The following FSHR variants were observed in gnomAD, a reference collection of about 807,000 sequenced individuals.
FSHR encodes follicle-stimulating hormone receptor.
Under a neutral mutation model 52.1 loss-of-function variants are expected in FSHR, and 46 were observed. The ratio of observed to expected loss-of-function variants is 0.88; its 90% confidence interval spans 0.70 to 1.13. The LOEUF (loss-of-function observed/expected upper bound fraction) is 1.13, where lower values mean the gene tolerates loss of function less well. FSHR is among the 50% of genes most tolerant of loss of function. FSHR has a pLI of 0.00. For missense variants in FSHR, 964 were observed against 834.6 expected, an observed-to-expected ratio of 1.16 and a Z score of -1.91; for synonymous variants, 399 against 309.6, an observed-to-expected ratio of 1.29 and a Z score of -3.03.
At chr2:49,094,615 G>C (rs1670751910) in intron 1 of FSHR, among the ~76,000 whole-genome samples, 1 of 152,084 alleles carries the variant, frequency 6.6e-6, no homozygotes, top group South Asian at 2.1e-4. Flanking sequence ...TTAAAATGTT[G>C]TTCCATGAAT....
chr2:49,140,061 T>C (rs76075060), intron 1 of FSHR, among the ~76,000 whole-genome samples: 325 of 152,240 alleles, frequency 2.1e-3, no homozygotes, highest in African/African-American at 6.1e-3. Context: ...CTTAGGGAAC[T>C]ATGGATTTGT....
At chr2:49,052,281 T>G (rs931575853) in intron 2 of FSHR, among the ~76,000 whole-genome samples, 3 of 152,150 alleles carry the variant, frequency 2.0e-5, no homozygotes, top group African/African-American at 4.8e-5. Context: ...ATGACCTCAC[T>G]CCCAGCTTCC....
At chr2:49,067,893 C>G (rs911512281) in intron 2 of FSHR, among the ~76,000 whole-genome samples, 1 of 151,858 alleles carries the variant, frequency 6.6e-6, no homozygotes, top group East Asian at 1.9e-4. Flanking sequence ...TAGAAAGTAT[C>G]TCTGAAAGAG....
At chr2:49,054,768 A>G (rs535972828) in intron 2 of FSHR, among the ~76,000 whole-genome samples, 8 of 152,328 alleles carry the variant, frequency 5.3e-5, no homozygotes, top group Admixed American at 2.6e-4. Flanking sequence ...ACTCGCAAAC[A>G]TTACTAGCAT....
intron 2 of FSHR, among the ~76,000 whole-genome samples, chr2:49,032,717 G>A (rs1003898598): frequency 6.6e-6 from 1 of 152,202 alleles, no homozygotes; most frequent in Non-Finnish European, 1.5e-5. Context: ...CACAGTGAGT[G>A]AAAGATAGAA....
chr2:48,968,898 G>T lies in FSHR; in HGVS notation c.669-15C>A, dbSNP rs1559077032. ...TTGAAATATCTCTATAAAGAGAAAA[G>T]GTAAATATAACAGGATTACTATGGA... On this transcript the variant is annotated splice_polypyrimidine_tract_variant and intron_variant, in intron 8 of 9. Coordinates refer to ENST00000406846, the MANE Select transcript of FSHR (RefSeq NM_000145.4). 6.2e-7 allele frequency: 1 copy of T among 1,610,570 alleles called. No homozygotes were observed. The highest frequency in any genetic ancestry group is 8.5e-7 in the Non-Finnish European group (1 of 1,178,264).
chr2:49,010,789 C>T (rs1237982080), intron 4 of FSHR, among the ~76,000 whole-genome samples: 1 of 152,206 alleles, frequency 6.6e-6, no homozygotes, highest in Non-Finnish European at 1.5e-5. Flanking sequence ...TTATCCATTT[C>T]TTCTAGATTT....
At position 48,990,600 on chromosome 2, in the gene FSHR, C is replaced by T. The variant is rs763846559; in HGVS notation, c.412G>A (p.Val138Ile). ...SNTGIKHLPD[V>I]HKIHSLQKVL... ...TTTTGGAGAGAATGAATCTTGTGAA[C>T]ATCTGGAAGGTGCTTAATACCTGTG... The change falls in exon 5 of 10, where the codon GTT becomes ATT. Residue 138 changes from valine (V) to isoleucine (I), a missense_variant. Transcript: ENST00000406846. 40 of 1,612,222 alleles carry T rather than the reference C, an allele frequency of 2.5e-5. 1 individual carries two copies. In the South Asian group the frequency reaches 4.1e-4, roughly 16 times the overall value.
chr2:49,117,067 T>C (rs568507828), intron 1 of FSHR, among the ~76,000 whole-genome samples: 13 of 152,130 alleles, frequency 8.5e-5, no homozygotes, highest in African/African-American at 2.9e-4. Flanking sequence ...GCCCAGTTAG[T>C]GTTAGCTAGA....
chr2:49,137,111 A>G (rs954682728), intron 1 of FSHR, among the ~76,000 whole-genome samples: 2 of 152,124 alleles, frequency 1.3e-5, no homozygotes, highest in South Asian at 2.1e-4. Context: ...GGAAAGTCCT[A>G]TGGAATCCAC....
At chr2:48,990,499 C>A in intron 5 of FSHR, 67 bp downstream of exon 5, 1 of 1,024,124 alleles carries the variant, frequency 9.8e-7, no homozygotes, top group Non-Finnish European at 1.6e-6. Context: ...TATTAAAGGC[C>A]CAGATAGCCG....
At position 48,990,650 on chromosome 2, in the gene FSHR, A is replaced by G. The variant is rs377222977; in HGVS notation, c.375-13T>C. On this transcript the variant is annotated splice_polypyrimidine_tract_variant and intron_variant, in intron 4 of 9. Coordinates refer to ENST00000406846, the MANE Select transcript of FSHR (RefSeq NM_000145.4). ...GTTGGATATTAACCTAGAGAGAAAC[A>G]AAATGAGAGTGAGTGAAAATGAAAC... The G allele has an allele frequency of 1.3e-6, 2 of 1,520,738 alleles. No individual in the cohort carries two copies. The highest frequency in any genetic ancestry group is 2.3e-5 in the East Asian group (1 of 44,444). 94.2% of individuals were successfully genotyped at this position (1,520,738 alleles called of 1,614,324 possible).
chr2:49,021,956 C>A (rs1667741036), intron 2 of FSHR, among the ~76,000 whole-genome samples: 1 of 143,592 alleles, frequency 7.0e-6, no homozygotes, highest in African/African-American at 2.6e-5. Context: ...CGTTTATTAT[C>A]TCATTCTTTA....
intron 4 of FSHR, among the ~76,000 whole-genome samples, chr2:49,015,250 A>G (rs1225022382): frequency 1.3e-5 from 2 of 152,094 alleles, no homozygotes; most frequent in Non-Finnish European, 2.9e-5. Context: ...CATTCTGTTC[A>G]TTTAAATGCA....
intron 4 of FSHR, among the ~76,000 whole-genome samples, chr2:49,017,157 T>G (rs987220993): frequency 8.5e-5 from 13 of 152,196 alleles, no homozygotes; most frequent in Non-Finnish European, 1.5e-4. Context: ...GAAGTCAAGG[T>G]CACAAGCTAA....
intron 2 of FSHR, among the ~76,000 whole-genome samples, chr2:49,067,629 A>G (rs563450704): frequency 1.8e-4 from 28 of 152,154 alleles, no homozygotes; most frequent in Non-Finnish European, 3.5e-4. Flanking sequence ...ATTGCACCCC[A>G]CTTTGAGAAA....
chr2:49,150,797 T>A (rs1673034098), intron 1 of FSHR, among the ~76,000 whole-genome samples: 1 of 152,046 alleles, frequency 6.6e-6, no homozygotes, highest in African/African-American at 2.4e-5. Flanking sequence ...TAGTAATACT[T>A]AACCCACTCT....
chr2:49,021,016 A>C (rs964794996), intron 2 of FSHR, among the ~76,000 whole-genome samples: 1 of 152,186 alleles, frequency 6.6e-6, no homozygotes, highest in Non-Finnish European at 1.5e-5. Context: ...TGATGGGTTG[A>C]TAGGTGCAGC....
intron 8 of FSHR, among the ~76,000 whole-genome samples, chr2:48,973,366 C>T (rs1297628364): frequency 2.1e-5 from 3 of 144,548 alleles, no homozygotes; most frequent in Non-Finnish European, 4.4e-5. Flanking sequence ...AAGTGGACCC[C>T]CCGCCCCGCA....
Sources: gnomAD v4.1 joint callset for allele counts (sites outside exome capture counted in the v4.1 genomes callset) on GRCh38, gnomAD v4.1.1 for gene constraint, MANE v1.5 for transcripts, NCBI Gene and HGNC (gene_info 2026-07-23, HGNC 2026-07-21) for gene names.